TMOD1: variants seen among roughly 807,000 people sequenced by gnomAD.
The protein encoded by TMOD1 is tropomodulin 1, also known as tropomodulin-1.
TMOD1 carries 17 observed loss-of-function variants against 40.6 expected under a neutral mutation model. The observed-to-expected ratio is 0.42, with a 90% CI of 0.29 to 0.63. TMOD1 has a LOEUF of 0.63. Among genes scored for constraint, TMOD1 ranks in the 20% least tolerant of loss-of-function variants. The probability of loss-of-function intolerance (pLI) is 0.22; values close to 1 mark genes in which losing one functional copy is unlikely to be tolerated. For synonymous variants in TMOD1, 181 were observed against 175.0 expected, an observed-to-expected ratio of 1.03 and a Z score of -0.27; for missense variants, 391 against 447.6, an observed-to-expected ratio of 0.87 and a Z score of 1.14.
At chr9:97,577,191 C>T (rs918068934) in intron 8 of TMOD1, among the ~76,000 whole-genome samples, 3 of 152,196 alleles carry the variant, frequency 2.0e-5, no homozygotes, top group Non-Finnish European at 4.4e-5. Flanking sequence ...GGTCTCTCCC[C>T]CTTTACACAC....
intron 2 of TMOD1, among the ~76,000 whole-genome samples, chr9:97,532,638 C>T (rs1830121561): frequency 6.6e-6 from 1 of 151,858 alleles, no homozygotes; most frequent in African/African-American, 2.4e-5. Flanking sequence ...AAAGAAATCA[C>T]TACAGATAAA....
At position 97,600,150 on chromosome 9, in the gene TMOD1, ATTCT is replaced by A. The variant is rs771997181; in HGVS notation, c.*455_*458del. 60 of 1,001,432 alleles carry A rather than the reference ATTCT, an allele frequency of 6.0e-5. No individual in the cohort carries two copies. The highest frequency in any genetic ancestry group is 6.6e-5 in the Non-Finnish European group (55 of 837,924). 62.0% of individuals were successfully genotyped at this position (1,001,432 alleles called of 1,614,324 possible). A position where few individuals can be genotyped will look rare whatever the true frequency, so the allele number is the denominator to read the frequency against. ...CTATTAGCAAATAAAACTGATTATC[ATTCT>A]TTATTAACCCTCCTTGGAATTTTGA... On this transcript the variant is annotated 3_prime_UTR_variant, in exon 10 of 10. Transcript: ENST00000259365.
intron 2 of TMOD1, among the ~76,000 whole-genome samples, chr9:97,544,801 A>C (rs1830335123): frequency 6.6e-6 from 1 of 152,050 alleles, no homozygotes; most frequent in African/African-American, 2.4e-5. Context: ...TGAGTTTGGG[A>C]GTTCGAGATC....
chr9:97,506,770 C>T (rs1399970004), intron 1 of TMOD1, among the ~76,000 whole-genome samples: 1 of 152,202 alleles, frequency 6.6e-6, no homozygotes, highest in African/African-American at 2.4e-5. Context: ...CAGGGTTTGA[C>T]AAACTTGAGA....
intron 3 of TMOD1, among the ~76,000 whole-genome samples, chr9:97,551,987 T>G (rs1037795586): frequency 6.6e-5 from 10 of 152,250 alleles, no homozygotes; most frequent in African/African-American, 2.4e-4. Context: ...AATTTTTCAT[T>G]GCTGATGTAC....
At chr9:97,538,335 C>A (rs1830217773) in intron 2 of TMOD1, among the ~76,000 whole-genome samples, 3 of 152,106 alleles carry the variant, frequency 2.0e-5, no homozygotes, top group Non-Finnish European at 4.4e-5. Context: ...TCCTCAGATT[C>A]CTATATACAA....
At chr9:97,541,037 C>T (rs945511301) in intron 2 of TMOD1, among the ~76,000 whole-genome samples, 3 of 152,094 alleles carry the variant, frequency 2.0e-5, no homozygotes, top group African/African-American at 7.2e-5. Flanking sequence ...TGCCATCCTG[C>T]TGGCTGTGAA....
At chr9:97,539,185 A>G (rs1057162144) in intron 2 of TMOD1, among the ~76,000 whole-genome samples, 1 of 152,212 alleles carries the variant, frequency 6.6e-6, no homozygotes, top group African/African-American at 2.4e-5. Flanking sequence ...CTGGACACAT[A>G]GCATTCATTT....
intron 1 of TMOD1, among the ~76,000 whole-genome samples, chr9:97,522,622 C>T (rs552719700): frequency 4.6e-5 from 7 of 152,224 alleles, no homozygotes; most frequent in South Asian, 2.1e-4. Flanking sequence ...AATGCAGTGG[C>T]GGGAACATGG....
Position 97,530,711 on chromosome 9 carries a change from G to A in TMOD1, c.120+6403G>A, listed in dbSNP as rs1303504519. ...TCACCGTGTTAGCCAGGATGGTCTC[G>A]ATCTCCTGACCTCATGATCCACCTG... On this transcript the variant is annotated intron_variant, in intron 2 of 9. Coordinates refer to ENST00000259365, the MANE Select transcript of TMOD1 (RefSeq NM_003275.4). Among the ~76,000 whole-genome samples, 11 of 149,864 alleles carry A rather than the reference G, an allele frequency of 7.3e-5. 1 individual carries two copies. The highest frequency in any genetic ancestry group is 1.2e-4 in the Non-Finnish European group (8 of 67,782).
At chr9:97,506,039 C>T (rs1564225305) in intron 1 of TMOD1, among the ~76,000 whole-genome samples, 1 of 152,074 alleles carries the variant, frequency 6.6e-6, no homozygotes, top group Non-Finnish European at 1.5e-5. Flanking sequence ...TCTAGGCACT[C>T]CTCCAAATTC....
chr9:97,579,626 T>C (rs1825698960), intron 8 of TMOD1, among the ~76,000 whole-genome samples: 3 of 152,198 alleles, frequency 2.0e-5, no homozygotes, highest in Admixed American at 1.3e-4. Context: ...CTAATAGGAC[T>C]GAGGAAATGA....
At position 97,546,327 on chromosome 9, in the gene TMOD1, CAG is replaced by C. The variant is rs1830359915; in HGVS notation, c.264_265del (p.Glu90LysfsTer9). The C allele has an allele frequency of 6.2e-7, 1 of 1,613,532 alleles. No homozygotes were observed. The highest frequency in any genetic ancestry group is 1.3e-5 in the African/African-American group (1 of 74,884). On this transcript the variant is annotated frameshift_variant, in exon 3 of 10. Transcript: ENST00000259365. LOFTEE classifies it high-confidence loss of function. ...GACCGAGAAGATCTGGTCCCCTACACAGGGGAAAAACGAGGTACTGAACAATG... is the reference window on the plus strand; with the variant it reads ...GACCGAGAAGATCTGGTCCCCTACACGGGAAAAACGAGGTACTGAACAATG...
chr9:97,506,101 C>T (rs1348030809), intron 1 of TMOD1, among the ~76,000 whole-genome samples: 1 of 152,184 alleles, frequency 6.6e-6, no homozygotes, highest in African/African-American at 2.4e-5. Flanking sequence ...TGCCTCCCTG[C>T]CTTTCCCCTG....
chr9:97,546,306 G>T lies in TMOD1; in HGVS notation c.242G>T (p.Arg81Leu). The change falls in exon 3 of 10, where the codon CGA (arginine) becomes CTA (leucine). Residue 81 changes from arginine (R) to leucine (L), a missense_variant. Coordinates refer to ENST00000259365, the MANE Select transcript of TMOD1 (RefSeq NM_003275.4). ...AAGCAAGCAAAGGAGTTTAAGGACC[G>T]AGAAGATCTGGTCCCCTACACAGGG... ...LEKQAKEFKD[R>L]EDLVPYTGEK... 6.2e-7 allele frequency: 1 copy of T among 1,613,990 alleles called. No homozygotes were observed. Among genetic ancestry groups the T allele is most frequent in the Non-Finnish European group, 8.5e-7 (1 of 1,179,986 alleles).
At chr9:97,576,917 G>A (rs1830952475) in intron 8 of TMOD1, among the ~76,000 whole-genome samples, 1 of 152,172 alleles carries the variant, frequency 6.6e-6, no homozygotes, top group African/African-American at 2.4e-5. Context: ...GGGATTACAG[G>A]CGTGAGCCAT....
At chr9:97,584,755 A>G (rs1048770303) in intron 8 of TMOD1, among the ~76,000 whole-genome samples, 4 of 152,112 alleles carry the variant, frequency 2.6e-5, no homozygotes, top group Non-Finnish European at 4.4e-5. Context: ...CCATTATGTA[A>G]TGGCCTTCTT....
At chr9:97,550,890 C>G (rs1830440184) in intron 3 of TMOD1, among the ~76,000 whole-genome samples, 1 of 150,716 alleles carries the variant, frequency 6.6e-6, no homozygotes, top group Admixed American at 6.6e-5. Context: ...TCCAGTTGAT[C>G]TATTTTTTCT....
At chr9:97,543,143 G>A (rs1348148003) in intron 2 of TMOD1, among the ~76,000 whole-genome samples, 1 of 152,174 alleles carries the variant, frequency 6.6e-6, no homozygotes, top group Non-Finnish European at 1.5e-5. Flanking sequence ...TACAACCCCT[G>A]AATTTCTTCT....
Sources: gnomAD v4.1 joint callset for allele counts (sites outside exome capture counted in the v4.1 genomes callset) on GRCh38, gnomAD v4.1.1 for gene constraint, MANE v1.5 for transcripts, NCBI Gene and HGNC (gene_info 2026-07-23, HGNC 2026-07-21) for gene names.